The following MTUS2 variants were observed in gnomAD, a reference collection of about 807,000 sequenced individuals.
MTUS2 encodes the protein microtubule-associated tumor suppressor candidate 2.
Under a neutral mutation model 114.1 loss-of-function variants are expected in MTUS2, and 40 were observed. The observed-to-expected ratio is 0.35, with a 90% confidence interval of 0.27 to 0.46. MTUS2 has a LOEUF of 0.46. MTUS2 is among the 20% of genes least tolerant of loss of function. MTUS2 has a pLI of 1.00. For missense variants in MTUS2, 1,679 were observed against 1,705.4 expected, an observed-to-expected ratio of 0.98 and a Z score of 0.27; for synonymous variants, 688 against 672.0, an observed-to-expected ratio of 1.02 and a Z score of -0.37.
intron 2 of MTUS2, among the ~76,000 whole-genome samples, chr13:28,955,208 C>T (rs1035822114): frequency 1.3e-5 from 2 of 152,186 alleles, no homozygotes; most frequent in Non-Finnish European, 2.9e-5. Context: ...ACAGTAATAC[C>T]AGCCTGACAT....
intron 7 of MTUS2, among the ~76,000 whole-genome samples, chr13:29,352,309 C>G (rs745405502): frequency 2.0e-5 from 3 of 152,198 alleles, no homozygotes; most frequent in Admixed American, 2.0e-4. Context: ...CGTCAGAGCT[C>G]TCAGTCTTCC....
intron 9 of MTUS2, among the ~76,000 whole-genome samples, chr13:29,462,214 C>T (rs895482928): frequency 3.9e-5 from 6 of 152,150 alleles, no homozygotes; most frequent in African/African-American, 1.2e-4. Flanking sequence ...TTGAGAACCA[C>T]GGGCTTAAAA....
chr13:28,898,380 C>CT (rs1426003847), intron 2 of MTUS2, among the ~76,000 whole-genome samples: 40 of 152,302 alleles, frequency 2.6e-4, no homozygotes, highest in African/African-American at 7.7e-4. Flanking sequence ...CTTGTCTCAG[C>CT]TTCACCATAT....
In MTUS2 at chr13:29,291,864, A is replaced by G. The variant is rs550474355; in HGVS notation, c.2806+9999A>G. Among the ~76,000 whole-genome samples the G allele has an allele frequency of 1.7e-3, 257 of 152,354 alleles. 1 individual carries two copies. The highest frequency in any genetic ancestry group is 5.9e-3 in the African/African-American group (247 of 41,584). On this transcript the variant is annotated intron_variant, in intron 6 of 15. Transcript: ENST00000612955. ...GCAGAAACTCATTTTAAATGTAACCAGGACTTTCTTTTCTCAGTTTCATCC... is the reference window on the plus strand; with the variant it reads ...GCAGAAACTCATTTTAAATGTAACCGGGACTTTCTTTTCTCAGTTTCATCC...
rs559093677 is a variant in MTUS2, at chr13:29,432,461, G to A, written c.3118-7522G>A. Among the ~76,000 whole-genome samples the A allele has an allele frequency of 7.2e-5, 11 of 152,270 alleles. No homozygotes were observed. In the East Asian group the frequency reaches 1.2e-3, roughly 16 times the overall value. On this transcript the variant is annotated intron_variant, in intron 8 of 15. Transcript: ENST00000612955. ...ATACGAGCTTCCTTTTTAACAATAC[G>A]AAATATAACTGACAAGCAAACAATA...
intron 4 of MTUS2, among the ~76,000 whole-genome samples, chr13:29,039,533 C>T (rs1220879738): frequency 1.3e-5 from 2 of 152,222 alleles, no homozygotes; most frequent in African/African-American, 2.4e-5. Context: ...GGCTTCTATC[C>T]TTCCCACTGA....
At chr13:29,093,580 T>C (rs1890054534) in intron 4 of MTUS2, among the ~76,000 whole-genome samples, 1 of 152,250 alleles carries the variant, frequency 6.6e-6, no homozygotes, top group Admixed American at 6.5e-5. Context: ...TGTGTAGAAA[T>C]ACAGTTGATT....
chr13:28,908,286 T>C (rs1373090759), intron 2 of MTUS2, among the ~76,000 whole-genome samples: 2 of 151,450 alleles, frequency 1.3e-5, no homozygotes, highest in African/African-American at 2.4e-5. Context: ...CGCTATCCCT[T>C]CCACCTCCCC....
intron 4 of MTUS2, among the ~76,000 whole-genome samples, chr13:29,046,056 G>A (rs1887600245): frequency 6.6e-6 from 1 of 151,328 alleles, no homozygotes; most frequent in South Asian, 2.1e-4. Context: ...TCTACCTGCT[G>A]CCATCTAGAC....
intron 2 of MTUS2, among the ~76,000 whole-genome samples, chr13:28,906,035 T>C (rs1307808445): frequency 6.6e-6 from 1 of 151,704 alleles, no homozygotes; most frequent in Non-Finnish European, 1.5e-5. Flanking sequence ...TTCTAGTTTA[T>C]TTGCGTAGAG....
intron 5 of MTUS2, among the ~76,000 whole-genome samples, chr13:29,252,333 C>T (rs2139434118): frequency 6.6e-6 from 1 of 152,238 alleles, no homozygotes; most frequent in South Asian, 2.1e-4. Context: ...AGTCATTAAA[C>T]TAGGCCTTAT....
chr13:28,998,833 C>T (rs9508220), intron 2 of MTUS2, among the ~76,000 whole-genome samples: 66,153 of 151,910 alleles, frequency 0.44, 14,988 homozygotes, highest in East Asian at 0.68. Context: ...GCCATTGGTT[C>T]GAACTTCCTC....
intron 5 of MTUS2, among the ~76,000 whole-genome samples, chr13:29,244,110 G>A (rs1896824326): frequency 6.6e-6 from 1 of 152,168 alleles, no homozygotes; most frequent in African/African-American, 2.4e-5. Context: ...TAGGTGAAGG[G>A]AGTTGGAGCT....
chr13:28,971,690 T>C (rs566535332), intron 2 of MTUS2, among the ~76,000 whole-genome samples: 1 of 152,350 alleles, frequency 6.6e-6, no homozygotes, highest in South Asian at 2.1e-4. Context: ...CATAATGCTT[T>C]CTATTTTACG....
At chr13:28,912,499 T>C (rs1169988027) in intron 2 of MTUS2, among the ~76,000 whole-genome samples, 2 of 152,202 alleles carry the variant, frequency 1.3e-5, no homozygotes, top group Non-Finnish European at 2.9e-5. Context: ...TATGGGCTCT[T>C]TTTTGGTTCC....
chr13:29,242,670 A>G (rs558578719), intron 5 of MTUS2: 3 of 152,682 alleles, frequency 2.0e-5, no homozygotes, highest in South Asian at 2.1e-4. Context: ...TTTCATATCA[A>G]CATTTCTTGA....
intron 2 of MTUS2, among the ~76,000 whole-genome samples, chr13:28,925,499 A>G (rs975456144): frequency 2.0e-5 from 3 of 152,350 alleles, no homozygotes; most frequent in African/African-American, 4.8e-5. Context: ...AACATTTACT[A>G]AATTTCTAGT....
rs1282752214 is a variant in MTUS2, at chr13:28,949,363, TTCTC to T, written c.-242-75090_-242-75087del. Among the ~76,000 whole-genome samples the T allele has an allele frequency of 5.3e-5, 8 of 152,216 alleles. No homozygotes were observed. In the South Asian group the frequency reaches 6.2e-4, roughly 12 times the overall value. On this transcript the variant is annotated intron_variant, in intron 2 of 15. Coordinates refer to ENST00000612955, the MANE Select transcript of MTUS2 (RefSeq NM_001033602.4). The stretch of plus-strand genomic sequence containing the variant: ...TTGGGTTTGCTTACTTGTTTCCAGC[TTCTC>T]TCTGTTTCCAGCACAGTTTCTTACC...
At chr13:28,894,007 T>A (rs1400589934) in intron 2 of MTUS2, among the ~76,000 whole-genome samples, 2 of 152,020 alleles carry the variant, frequency 1.3e-5, no homozygotes, top group Non-Finnish European at 2.9e-5. Context: ...GTGAGTTTGT[T>A]GTTGAGAACT....
Sources: gnomAD v4.1 joint callset for allele counts (sites outside exome capture counted in the v4.1 genomes callset) on GRCh38, gnomAD v4.1.1 for gene constraint, MANE v1.5 for transcripts, NCBI Gene and HGNC (gene_info 2026-07-23, HGNC 2026-07-21) for gene names.